The following MRE11 variants were observed in gnomAD, a reference collection of about 807,000 sequenced individuals.
MRE11 encodes MRE11 double strand break repair nuclease.
Under a neutral mutation model 91.7 loss-of-function variants are expected in MRE11, and 62 were observed. The observed-to-expected ratio is 0.68, with a 90% CI of 0.55 to 0.84. MRE11 has a LOEUF of 0.84. Ranked by LOEUF, MRE11 falls within the 40% of genes least tolerant of loss-of-function variation. The probability of loss-of-function intolerance (pLI) is 0.00; values close to 1 mark genes in which losing one functional copy is unlikely to be tolerated. For missense variants in MRE11, 796 were observed against 852.9 expected, an observed-to-expected ratio of 0.93 and a Z score of 0.83; for synonymous variants, 273 against 271.4, an observed-to-expected ratio of 1.01 and a Z score of -0.06.
chr11:94,492,559 C>A, intron 2 of MRE11: 2 of 750,342 alleles, frequency 2.7e-6, no homozygotes, highest in South Asian at 1.7e-5. Context: ...ATCAATATAT[C>A]AAATTACTGC....
At chr11:94,466,508 T>C (rs1011158485) in intron 10 of MRE11, 1 of 532,014 alleles carries the variant, frequency 1.9e-6, no homozygotes, top group Admixed American at 1.9e-5. Flanking sequence ...ATTTGGTTGG[T>C]GCACAAGTAA....
At chr11:94,481,270 C>T (rs1947006322) in intron 4 of MRE11, among the ~76,000 whole-genome samples, 1 of 152,014 alleles carries the variant, frequency 6.6e-6, no homozygotes, top group African/African-American at 2.4e-5. Flanking sequence ...GATCGCGCCA[C>T]TGCTCTCCAA....
At chr11:94,509,590 G>T in the MRE11 span, among the ~76,000 whole-genome samples, 1 of 151,816 alleles carries the variant, frequency 6.6e-6, no homozygotes, top group Non-Finnish European at 1.5e-5. Flanking sequence ...CTACAGGCAC[G>T]TACCACCACG....
chr11:94,493,031 C>A, intron 1 of MRE11, 125 bp from the exon 2 acceptor site: 1 of 566,410 alleles, frequency 1.8e-6, no homozygotes, highest in Non-Finnish European at 3.1e-6. Flanking sequence ...GTCTCATTTT[C>A]ATCTAAGCAC....
intron 16 of MRE11, among the ~76,000 whole-genome samples, chr11:94,444,657 G>A (rs899620224): frequency 6.6e-6 from 1 of 151,994 alleles, no homozygotes; most frequent in African/African-American, 2.4e-5. Flanking sequence ...TTTTCACCTG[G>A]GTTGCTGTTA....
At chr11:94,430,730 A>G (rs1300374701) in intron 18 of MRE11, among the ~76,000 whole-genome samples, 1 of 152,066 alleles carries the variant, frequency 6.6e-6, no homozygotes, top group African/African-American at 2.4e-5. Flanking sequence ...CGGCCTCCCA[A>G]ATGCTAGGAT....
intron 19 of MRE11, among the ~76,000 whole-genome samples, chr11:94,427,910 A>G (rs1409294755): frequency 2.6e-5 from 4 of 152,188 alleles, no homozygotes; most frequent in Non-Finnish European, 5.9e-5. Context: ...AAACGCAAAA[A>G]CATTCCATGC....
At chr11:94,476,714 GTTTTT>G (rs201610051) in intron 6 of MRE11, among the ~76,000 whole-genome samples, 3 of 151,414 alleles carry the variant, frequency 2.0e-5, no homozygotes, top group African/African-American at 7.3e-5. Flanking sequence ...CTGTTTCAGG[GTTTTT>G]TTTCTTTTCT....
chr11:94,437,408 C>T (rs111652119), intron 16 of MRE11, among the ~76,000 whole-genome samples, 173 bp from the exon 17 acceptor site: 16 of 152,280 alleles, frequency 1.1e-4, no homozygotes, highest in African/African-American at 2.2e-4. Context: ...ATTATAGGTA[C>T]GCATAACTCA....
At position 94,484,115 on chromosome 11, in the gene MRE11, T is replaced by C. The variant is rs567058045; in HGVS notation, c.314+1809A>G. On this transcript the variant is annotated intron_variant, in intron 4 of 19. Transcript: ENST00000323929. Reference sequence around the variant, plus strand: ...GAAAAGGTGGGATATATCAAAAGGATACAGGAGCCAATCTCAAAAGGAGCC... The same window carrying C: ...GAAAAGGTGGGATATATCAAAAGGACACAGGAGCCAATCTCAAAAGGAGCC... 3.3e-5 allele frequency among the ~76,000 whole-genome samples: 5 copies of C among 151,984 alleles called. No homozygotes were observed. In the South Asian group the frequency reaches 1.0e-3, roughly 32 times the overall value.
intron 7 of MRE11, chr11:94,472,897 T>C (rs552233599): frequency 1.1e-4 from 16 of 152,218 alleles, no homozygotes; most frequent in African/African-American, 3.9e-4. Flanking sequence ...TGTATATGCA[T>C]GTGTGTAAGT....
At chr11:94,479,434 G>A (rs576614568) in intron 5 of MRE11, among the ~76,000 whole-genome samples, 1 of 152,002 alleles carries the variant, frequency 6.6e-6, no homozygotes, top group East Asian at 1.9e-4. Flanking sequence ...TCCTACTCCT[G>A]GCTTCTTATT....
chr11:94,416,153 C>T lies in MRE11; in HGVS notation c.*3972G>A, dbSNP rs929957245. 1 of 152,212 alleles carries T rather than the reference C, an allele frequency of 6.6e-6. No homozygotes were observed. The highest frequency in any genetic ancestry group is 2.4e-5 in the African/African-American group (1 of 41,442). The allele number at this position is 152,212 out of a possible 1,614,324, so 9.4% of individuals were successfully genotyped here. Reference sequence around the variant, plus strand: ...CAATTTTTCTTGGTAGTCTTGCCAACAGTAATTGGAGAAACGTGTTCCTAA... The same window carrying T: ...CAATTTTTCTTGGTAGTCTTGCCAATAGTAATTGGAGAAACGTGTTCCTAA... On this transcript the variant is annotated 3_prime_UTR_variant, in exon 20 of 20. Coordinates refer to ENST00000323929, the MANE Select transcript of MRE11 (RefSeq NM_005591.4).
the MRE11 span, among the ~76,000 whole-genome samples, chr11:94,501,526 CT>C: frequency 6.6e-6 from 1 of 151,702 alleles, no homozygotes; most frequent in African/African-American, 2.4e-5. Context: ...AGATGTTTTA[CT>C]TTTTTTTGCA....
chr11:94,496,331 A>C (rs2135160575), upstream of MRE11, among the ~76,000 whole-genome samples: 1 of 152,332 alleles, frequency 6.6e-6, no homozygotes, highest in Middle Eastern at 3.4e-3. Flanking sequence ...TGTTAGCATA[A>C]CACCATCATA....
At position 94,451,936 on chromosome 11, in the gene MRE11, T is replaced by C. The variant is rs181547252; in HGVS notation, c.1563+4340A>G. Among the ~76,000 whole-genome samples the C allele has an allele frequency of 8.9e-4, 135 of 152,094 alleles. 1 individual carries two copies. In the East Asian group the frequency reaches 0.023, roughly 26 times the overall value. On this transcript the variant is annotated intron_variant, in intron 14 of 19. Coordinates refer to ENST00000323929, the MANE Select transcript of MRE11 (RefSeq NM_005591.4). Reference sequence around the variant, plus strand: ...AAGACCAATACCCGGCCAGGCGCGGTTGCTCATGCCTGTCATCCCAGCACT... The same window carrying C: ...AAGACCAATACCCGGCCAGGCGCGGCTGCTCATGCCTGTCATCCCAGCACT...
At chr11:94,501,320 C>A in the MRE11 span, among the ~76,000 whole-genome samples, 1 of 152,074 alleles carries the variant, frequency 6.6e-6, no homozygotes, top group Non-Finnish European at 1.5e-5. Context: ...ATGTTTTTAG[C>A]ATGACTATTT....
intron 15 of MRE11, 74 bp downstream of exon 15, chr11:94,447,145 T>G (rs564692264): frequency 1.4e-6 from 2 of 1,402,016 alleles, no homozygotes. Context: ...AATTCAACTC[T>G]GACAAGATCT....
chr11:94,512,396 G>A, the MRE11 span: 1 of 939,378 alleles, frequency 1.1e-6, no homozygotes, highest in Non-Finnish European at 1.4e-6. Context: ...AATACCTAGG[G>A]CCTCGGAAGG....
Sources: gnomAD v4.1 joint callset for allele counts (sites outside exome capture counted in the v4.1 genomes callset) on GRCh38, gnomAD v4.1.1 for gene constraint, MANE v1.5 for transcripts, NCBI Gene and HGNC (gene_info 2026-07-23, HGNC 2026-07-21) for gene names.